Variants in FHIP1A observed in about 807,000 individuals in gnomAD.
FHIP1A encodes the protein FHF complex subunit HOOK interacting protein 1A.
FHIP1A carries 61 observed loss-of-function variants against 88.6 expected under a neutral mutation model. The observed-to-expected ratio is 0.69, with a 90% CI of 0.56 to 0.85. FHIP1A has a LOEUF of 0.85. Among genes scored for constraint, FHIP1A ranks in the 40% least tolerant of loss-of-function variants. FHIP1A has a pLI of 0.00. For synonymous variants in FHIP1A, 478 were observed against 496.0 expected (o/e 0.96, Z 0.48); for missense variants, 1,154 against 1,273.5 (o/e 0.91, Z 1.43).
intron 3 of FHIP1A, among the ~76,000 whole-genome samples, chr4:151,558,517 A>G (rs1413768054): frequency 1.3e-5 from 2 of 150,950 alleles, no homozygotes; most frequent in Admixed American, 1.3e-4. Flanking sequence ...CTGATAACAG[A>G]GCAACATCCT....
chr4:151,633,954 A>G (rs11726892), intron 8 of FHIP1A, among the ~76,000 whole-genome samples: 42,827 of 151,766 alleles, frequency 0.28, 6,324 homozygotes, highest in Non-Finnish European at 0.33. Context: ...AAAGAAATAG[A>G]AAGCATTTAA....
At chr4:151,569,118 C>T (rs1733501401) in intron 4 of FHIP1A, among the ~76,000 whole-genome samples, 2 of 152,188 alleles carry the variant, frequency 1.3e-5, no homozygotes, top group Admixed American at 1.3e-4. Flanking sequence ...ACTGTGACTG[C>T]AGCCCCTGGG....
intron 7 of FHIP1A, among the ~76,000 whole-genome samples, chr4:151,593,116 G>T (rs771234853): frequency 1.5e-4 from 23 of 152,102 alleles, no homozygotes; most frequent in Admixed American, 3.3e-4. Flanking sequence ...TGTTCCGCTG[G>T]TCTATATATC....
chr4:151,502,076 T>C (rs1730668876), intron 3 of FHIP1A, among the ~76,000 whole-genome samples: 1 of 148,554 alleles, frequency 6.7e-6, no homozygotes, highest in African/African-American at 2.5e-5. Context: ...AGCACTTTGG[T>C]AGGTCAATGT....
intron 3 of FHIP1A, among the ~76,000 whole-genome samples, chr4:151,561,182 G>A (rs1203290034): frequency 3.3e-5 from 5 of 152,260 alleles, no homozygotes; most frequent in East Asian, 1.9e-4. Flanking sequence ...TGTATTGACC[G>A]AATTTTCTTT....
At chr4:151,638,212 A>G (rs1323381481) in intron 8 of FHIP1A, among the ~76,000 whole-genome samples, 4 of 152,128 alleles carry the variant, frequency 2.6e-5, no homozygotes, top group African/African-American at 9.7e-5. Flanking sequence ...CTCTGAAGGG[A>G]GACTTGGCTA....
intron 4 of FHIP1A, chr4:151,576,668 C>T (rs1304722848): frequency 6.6e-6 from 1 of 152,208 alleles, no homozygotes; most frequent in Non-Finnish European, 1.5e-5. Flanking sequence ...CTTAAAGAAA[C>T]ACAGCATTCA....
At chr4:151,640,211 G>A (rs925895166) in intron 9 of FHIP1A, among the ~76,000 whole-genome samples, 8 of 152,334 alleles carry the variant, frequency 5.3e-5, no homozygotes, top group South Asian at 2.1e-4. Context: ...GAGTGATGCC[G>A]TGCAGGCATA....
intron 1 of FHIP1A, among the ~76,000 whole-genome samples, chr4:151,427,604 A>T (rs1039251937): frequency 6.6e-6 from 1 of 152,104 alleles, no homozygotes; most frequent in African/African-American, 2.4e-5. Context: ...GTACTTTAAA[A>T]TTTTAATTTT....
At chr4:151,498,739 C>T (rs567561874) in intron 3 of FHIP1A, among the ~76,000 whole-genome samples, 1 of 152,242 alleles carries the variant, frequency 6.6e-6, no homozygotes, top group Non-Finnish European at 1.5e-5. Flanking sequence ...GGCATGAACC[C>T]AGGAGGCAGA....
In FHIP1A at chr4:151,662,818, T is replaced by A; in HGVS notation, c.*64T>A. On this transcript the variant is annotated 3_prime_UTR_variant, in exon 14 of 14. Coordinates refer to ENST00000435205, the MANE Select transcript of FHIP1A (RefSeq NM_001109977.3). Reference sequence around the variant, plus strand: ...AGGTTTTAGTGTCTTGACTGAATGTTAAATGCAAAGCTGCTTACAAAGATT... The same window carrying A: ...AGGTTTTAGTGTCTTGACTGAATGTAAAATGCAAAGCTGCTTACAAAGATT... The A allele has an allele frequency of 7.5e-7, 1 of 1,333,330 alleles. No homozygotes were observed. Among genetic ancestry groups the A allele is most frequent in the Non-Finnish European group, 9.9e-7 (1 of 1,005,392 alleles). 82.6% of individuals were successfully genotyped at this position (1,333,330 alleles called of 1,614,324 possible).
chr4:151,507,705 A>G lies in FHIP1A; in HGVS notation c.-123+25057A>G, dbSNP rs553071004. On this transcript the variant is annotated intron_variant, in intron 3 of 13. Coordinates refer to ENST00000435205, the MANE Select transcript of FHIP1A (RefSeq NM_001109977.3). ...GATATTTATTTTCAAAATTGTAATG[A>G]CCCATAGAAAAATCCCTACTGCTCT... 3.9e-5 allele frequency among the ~76,000 whole-genome samples: 6 copies of G among 152,244 alleles called. No individual in the cohort carries two copies. The East Asian group carries it at 1.2e-3, about 29-fold the overall frequency.
intron 1 of FHIP1A, among the ~76,000 whole-genome samples, chr4:151,452,495 G>A (rs1488920901): frequency 6.6e-6 from 1 of 152,178 alleles, no homozygotes; most frequent in Admixed American, 6.5e-5. Flanking sequence ...GGAGGCTGAG[G>A]TGGGCGGATC....
chr4:151,555,937 A>T (rs1379041776), intron 3 of FHIP1A, among the ~76,000 whole-genome samples: 1 of 152,208 alleles, frequency 6.6e-6, no homozygotes, highest in African/African-American at 2.4e-5. Flanking sequence ...TTCAAGCACC[A>T]TAGCATCCCT....
At position 151,416,392 on chromosome 4, in the gene FHIP1A, A is replaced by C. The variant is rs527804966; in HGVS notation, c.-356+6927A>C. 3.3e-5 allele frequency among the ~76,000 whole-genome samples: 5 copies of C among 152,106 alleles called. No individual in the cohort carries two copies. In the South Asian group the frequency reaches 6.2e-4, roughly 19 times the overall value. ...TTCATGGAACTTTTATTTGGATTCC[A>C]TTCATTTTAGGTTGATTTTCTTTAT... On this transcript the variant is annotated intron_variant, in intron 1 of 13. Transcript: ENST00000435205.
chr4:151,592,858 A>AT, intron 7 of FHIP1A, among the ~76,000 whole-genome samples: 1 of 152,248 alleles, frequency 6.6e-6, no homozygotes, highest in South Asian at 2.1e-4. Context: ...CCTGAGTGGT[A>AT]TTGCCTAGGT....
chr4:151,621,451 A>C (rs562659703), intron 7 of FHIP1A, among the ~76,000 whole-genome samples: 1 of 151,592 alleles, frequency 6.6e-6, no homozygotes, highest in Admixed American at 6.6e-5. Flanking sequence ...TTGCTTTGTT[A>C]CTTTGTTACA....
intron 11 of FHIP1A, among the ~76,000 whole-genome samples, chr4:151,651,455 G>A (rs191274487): frequency 1.4e-4 from 21 of 152,330 alleles, no homozygotes; most frequent in Non-Finnish European, 2.2e-4. Context: ...AGCAAGGAGA[G>A]GGGCTGGAAG....
At position 151,485,553 on chromosome 4, in the gene FHIP1A, C is replaced by A. The variant is rs1484968743; in HGVS notation, c.-123+2905C>A. Among the ~76,000 whole-genome samples the A allele has an allele frequency of 4.0e-5, 6 of 150,854 alleles. No homozygotes were observed. The East Asian group carries it at 1.2e-3, about 29-fold the overall frequency. ...TGGGAACTTGTTGGAAATGTAAATT[C>A]TTGGACTGAATCAGAAGCCCAGAGG... On this transcript the variant is annotated intron_variant, in intron 3 of 13. Coordinates refer to ENST00000435205, the MANE Select transcript of FHIP1A (RefSeq NM_001109977.3).
Sources: gnomAD v4.1 joint callset for allele counts (sites outside exome capture counted in the v4.1 genomes callset) on GRCh38, gnomAD v4.1.1 for gene constraint, MANE v1.5 for transcripts, NCBI Gene and HGNC (gene_info 2026-07-23, HGNC 2026-07-21) for gene names.